The following COL8A1 variants were observed in gnomAD, a reference collection of about 807,000 sequenced individuals.
COL8A1 encodes collagen alpha-1(VIII) chain.
Under a neutral mutation model 42.7 loss-of-function variants are expected in COL8A1, and 21 were observed. The observed-to-expected ratio is 0.49, with a 90% CI of 0.35 to 0.71. The LOEUF (loss-of-function observed/expected upper bound fraction) is 0.71, where lower values mean the gene tolerates loss of function less well. Ranked by LOEUF, COL8A1 falls within the 30% of genes least tolerant of loss-of-function variation. COL8A1 has a pLI of 0.01. For synonymous variants in COL8A1, 367 were observed against 369.1 expected (o/e 0.99, Z 0.06); for missense variants, 788 against 962.4 (o/e 0.82, Z 2.40).
intron 1 of COL8A1, among the ~76,000 whole-genome samples, chr3:99,643,556 A>C (rs1440646539): frequency 6.6e-6 from 1 of 152,214 alleles, no homozygotes; most frequent in Non-Finnish European, 1.5e-5. Flanking sequence ...TGGATTTACA[A>C]AGTAAATTTT....
chr3:99,741,359 A>C (rs16841679), intron 1 of COL8A1, among the ~76,000 whole-genome samples: 5,367 of 152,270 alleles, frequency 0.035, 174 homozygotes, highest in East Asian at 0.16. Flanking sequence ...CTTTTCCCAG[A>C]GTGTATTCCA....
chr3:99,647,412 C>T (rs551703674), intron 1 of COL8A1, among the ~76,000 whole-genome samples: 11 of 152,112 alleles, frequency 7.2e-5, no homozygotes, highest in African/African-American at 1.7e-4. Context: ...AGATAACATG[C>T]CTTTGTTCTA....
chr3:99,782,133 A>G (rs1941803322), intron 2 of COL8A1, among the ~76,000 whole-genome samples: 1 of 152,194 alleles, frequency 6.6e-6, no homozygotes, highest in Non-Finnish European at 1.5e-5. Context: ...GTGGTAAGAA[A>G]AAAAAACCAT....
rs1400302913 is a variant in COL8A1 at position 99,794,312 on chromosome 3, G to A, written c.411G>A (p.Leu137=). 3 of 1,613,300 alleles carry A rather than the reference G, an allele frequency of 1.9e-6. No homozygotes were observed. Among genetic ancestry groups the A allele is most frequent in the Non-Finnish European group, 2.5e-6 (3 of 1,179,724 alleles). ...GPRGPPGPPG[L]PGHGIPGIKG... The stretch of plus-strand genomic sequence containing the variant: ...GAGGACCACCTGGGCCCCCTGGTTT[G>A]CCAGGTCATGGGATACCTGGAATTA... Residue 137 remains leucine, a synonymous_variant, in exon 4 of 4, where the codon TTG becomes TTA. Coordinates refer to ENST00000652472, the MANE Select transcript of COL8A1 (RefSeq NM_020351.4). The surrounding 1 kb of genome is among the most constrained non-coding windows in gnomAD (Gnocchi z 4.3).
chr3:99,696,397 T>C (rs1364101415), intron 1 of COL8A1, among the ~76,000 whole-genome samples: 1 of 152,188 alleles, frequency 6.6e-6, no homozygotes, highest in Non-Finnish European at 1.5e-5. Context: ...AGGAAGGATC[T>C]GCTAGGGGCC....
intron 1 of COL8A1, among the ~76,000 whole-genome samples, chr3:99,743,974 G>C (rs1379903179): frequency 6.6e-6 from 1 of 151,452 alleles, no homozygotes; most frequent in Non-Finnish European, 1.5e-5. Flanking sequence ...TGACGCCCAG[G>C]CTGGAGTGCA....
chr3:99,658,954 G>A (rs1436461930), intron 1 of COL8A1, among the ~76,000 whole-genome samples: 1 of 152,182 alleles, frequency 6.6e-6, no homozygotes, highest in African/African-American at 2.4e-5. Context: ...ATCCCCACTA[G>A]CTCTACTGAA....
intron 2 of COL8A1, among the ~76,000 whole-genome samples, chr3:99,784,153 A>C (rs1941848276): frequency 1.3e-5 from 2 of 152,340 alleles, no homozygotes; most frequent in South Asian, 4.1e-4. Flanking sequence ...GTACCTTGTA[A>C]AACAAAGCTG....
intron 2 of COL8A1, among the ~76,000 whole-genome samples, chr3:99,752,098 T>C (rs1287555246): frequency 6.6e-6 from 1 of 152,192 alleles, no homozygotes; most frequent in African/African-American, 2.4e-5. Flanking sequence ...TGCAAATAGA[T>C]ACTTACTTTG....
At chr3:99,748,272 C>T (rs1941072556) in intron 2 of COL8A1, among the ~76,000 whole-genome samples, 1 of 152,140 alleles carries the variant, frequency 6.6e-6, no homozygotes, top group Non-Finnish European at 1.5e-5. Context: ...TATAGCTGCA[C>T]TGTTCAATAT....
At chr3:99,773,837 A>ATATTATATATATATATATATATAT (rs1200212756) in intron 2 of COL8A1, among the ~76,000 whole-genome samples, 6 of 45,392 alleles carry the variant, frequency 1.3e-4, no homozygotes, top group Admixed American at 2.7e-4. Context: ...ATATATATAT[A>ATATTATATATATATATATATATAT]TTTTTTTTTT....
chr3:99,736,751 C>T (rs1347596446), intron 1 of COL8A1, among the ~76,000 whole-genome samples: 22 of 151,822 alleles, frequency 1.4e-4, no homozygotes, highest in African/African-American at 5.3e-4. Context: ...ATTAGGTCCG[C>T]TTGGTGCAGA....
intron 1 of COL8A1, among the ~76,000 whole-genome samples, chr3:99,743,540 T>C (rs1298551277): frequency 4.6e-5 from 7 of 152,160 alleles, no homozygotes. Flanking sequence ...TTGTGTTGAG[T>C]ACCAAATACA....
At chr3:99,639,271 A>G (rs1576407747) in intron 1 of COL8A1, among the ~76,000 whole-genome samples, 1 of 152,232 alleles carries the variant, frequency 6.6e-6, no homozygotes, top group East Asian at 1.9e-4. Context: ...AAGCCAGGGT[A>G]GAATGTGCTC....
At chr3:99,733,211 A>G (rs1393131838) in intron 1 of COL8A1, among the ~76,000 whole-genome samples, 1 of 148,982 alleles carries the variant, frequency 6.7e-6, no homozygotes, top group Non-Finnish European at 1.5e-5. Flanking sequence ...GGTTAGTTAC[A>G]TATGTATACA....
rs753058238 is a variant in COL8A1 at position 99,795,689 on chromosome 3, AC to A, written c.1795del (p.His599MetfsTer24). On this transcript the variant is annotated frameshift_variant, in exon 4 of 4. Coordinates refer to ENST00000652472, the MANE Select transcript of COL8A1 (RefSeq NM_020351.4). LOFTEE classifies it high-confidence loss of function. ...DMGLGIDGVK[P>X]PHAYGAKKGK... ...TGGGGCTGGGAATTGATGGCGTGAA[AC>A]CCCCCCATGCCTACGGGGCTAAGAA... 1.9e-6 allele frequency: 3 copies of A among 1,611,154 alleles called. No homozygotes were observed. The highest frequency in any genetic ancestry group is 2.5e-6 in the Non-Finnish European group (3 of 1,179,212).
chr3:99,667,104 G>C (rs1463504384), intron 1 of COL8A1, among the ~76,000 whole-genome samples: 1 of 152,056 alleles, frequency 6.6e-6, no homozygotes, highest in Non-Finnish European at 1.5e-5. Flanking sequence ...TGTGGTTTTG[G>C]CTAGTCAATG....
At position 99,794,334 on chromosome 3, in the gene COL8A1, A is replaced by T. The variant is rs563832804; in HGVS notation, c.433A>T (p.Ile145Phe). ...PGLPGHGIPG[I>F]KGKPGPQGYP... ...TTTGCCAGGTCATGGGATACCTGGA[A>T]TTAAAGGAAAACCAGGGCCACAGGG... Residue 145 changes from isoleucine to phenylalanine, a missense_variant, in exon 4 of 4, where the codon ATT (isoleucine) becomes TTT (phenylalanine). Transcript: ENST00000652472. This position sits in a 1 kb window ranked among gnomAD's most constrained non-coding sequence, Gnocchi z 4.3. 11 of 1,613,818 alleles carry T rather than the reference A, an allele frequency of 6.8e-6. No individual in the cohort carries two copies. The African/African-American group carries it at 1.2e-4, about 18-fold the overall frequency.
rs931367876 is a variant in COL8A1 at position 99,667,151 on chromosome 3, C to G, written c.-129+28487C>G. ...ATCCAAACCCTCATTTATTTAGTTC[C>G]AAACCCTAGTTCTTAACTCCTACAG... On this transcript the variant is annotated intron_variant, in intron 1 of 3. Transcript: ENST00000652472. Among the ~76,000 whole-genome samples the G allele has an allele frequency of 1.4e-4, 21 of 152,232 alleles. No homozygotes were observed. In the South Asian group the frequency reaches 3.5e-3, roughly 26 times the overall value.
Sources: allele counts gnomAD v4.1 joint callset (sites outside exome capture counted in the v4.1 genomes callset), GRCh38; gene constraint gnomAD v4.1.1; non-coding constraint Gnocchi (gnomAD v3.1); transcripts MANE v1.5; gene names NCBI Gene and HGNC (gene_info 2026-07-23, HGNC 2026-07-21).